AFF1: variants seen among roughly 807,000 people sequenced by gnomAD.
The protein encoded by AFF1 is AF4/FMR2 family member 1.
AFF1 carries 48 observed loss-of-function variants against 121.7 expected under a neutral mutation model. That is an observed-to-expected ratio of 0.39 (90% confidence interval 0.31 to 0.50). The LOEUF is 0.50. Ranked by LOEUF, AFF1 falls within the 20% of genes least tolerant of loss-of-function variation. AFF1 has a pLI of 0.76. For missense variants in AFF1, 1,523 were observed against 1,511.7 expected (o/e 1.01, Z -0.12); for synonymous variants, 613 against 563.0 (o/e 1.09, Z -1.26).
chr4:87,138,324 C>CA lies in AFF1; in HGVS notation c.*2627dup, dbSNP rs199978398. On this transcript the variant is annotated 3_prime_UTR_variant, in exon 21 of 21. Transcript: ENST00000395146. Reference sequence around the variant, plus strand: ...ACTGCATGCTTACAATTCCCAAAGGCAAAATCTGTACTGAGGTAGATCATT... The same window carrying CA: ...ACTGCATGCTTACAATTCCCAAAGGCAAAAATCTGTACTGAGGTAGATCATT... The CA allele has an allele frequency of 0.014, 3,214 of 232,296 alleles. 40 individuals carry two copies. Among genetic ancestry groups the CA allele is most frequent in the South Asian group, 0.033 (180 of 5,514 alleles). The allele number at this position is 232,296 out of a possible 1,614,324, so 14.4% of individuals were successfully genotyped here.
intron 3 of AFF1, 133 bp downstream of exon 3, chr4:87,046,419 C>T: frequency 7.6e-7 from 1 of 1,315,496 alleles, no homozygotes. Flanking sequence ...CTAACTTATT[C>T]TAGAGATTTT....
At chr4:87,002,658 T>A (rs1255890661) in intron 2 of AFF1, among the ~76,000 whole-genome samples, 3 of 151,452 alleles carry the variant, frequency 2.0e-5, no homozygotes, top group African/African-American at 7.3e-5. Flanking sequence ...ATCCACTTAC[T>A]TCAGCCTCCC....
At chr4:86,950,211 T>A in intron 2 of AFF1, 1 of 1,198,754 alleles carries the variant, frequency 8.3e-7, no homozygotes. Context: ...AAAGTTTCGC[T>A]ATTGTTGCCC....
intron 2 of AFF1, among the ~76,000 whole-genome samples, chr4:86,950,343 T>C (rs1474330288): frequency 6.6e-6 from 1 of 152,194 alleles, no homozygotes; most frequent in Non-Finnish European, 1.5e-5. Context: ...GACACCTGGC[T>C]AATTTTTGGT....
intron 1 of AFF1, among the ~76,000 whole-genome samples, chr4:86,947,808 G>C (rs984988744): frequency 1.2e-5 from 1 of 86,564 alleles, no homozygotes; most frequent in African/African-American, 3.5e-5. Flanking sequence ...GTTTTATTTC[G>C]GTTTTTGTTT....
intron 2 of AFF1, among the ~76,000 whole-genome samples, chr4:87,013,833 C>T (rs1030712889): frequency 3.3e-5 from 5 of 151,976 alleles, no homozygotes; most frequent in Non-Finnish European, 7.4e-5. Flanking sequence ...AGATTCTGCT[C>T]CCCCTCCCCC....
chr4:87,130,136 C>G (rs1002387209), intron 16 of AFF1, among the ~76,000 whole-genome samples: 3 of 151,092 alleles, frequency 2.0e-5, no homozygotes, highest in African/African-American at 7.4e-5. Flanking sequence ...CCACACCTGG[C>G]TAATTTTTAT....
At chr4:87,059,177 C>A (rs1720470487) in intron 4 of AFF1, among the ~76,000 whole-genome samples, 1 of 152,222 alleles carries the variant, frequency 6.6e-6, no homozygotes, top group Non-Finnish European at 1.5e-5. Flanking sequence ...GATTTTCTAG[C>A]CTAAAACTCT....
chr4:86,954,410 C>T (rs1193107536), intron 2 of AFF1, among the ~76,000 whole-genome samples: 4 of 152,068 alleles, frequency 2.6e-5, no homozygotes, highest in African/African-American at 4.8e-5. Flanking sequence ...ATAAAGTAAG[C>T]TAGAGAAAAG....
In AFF1 at chr4:87,078,800, T is replaced by G. The variant is rs538418079; in HGVS notation, c.1060-5320T>G. 1.8e-3 allele frequency among the ~76,000 whole-genome samples: 281 copies of G among 152,304 alleles called. 1 individual carries two copies. The highest frequency in any genetic ancestry group is 3.4e-3 in the Middle Eastern group (1 of 294). ...ACATTTATTTTACTCTCTTAAAAAT[T>G]AAACTTTGGATAGATAACCTATTGG... On this transcript the variant is annotated intron_variant, in intron 4 of 20. Transcript: ENST00000395146.
chr4:87,005,071 A>T (rs912704797), intron 2 of AFF1, among the ~76,000 whole-genome samples: 20 of 152,180 alleles, frequency 1.3e-4, no homozygotes, highest in Non-Finnish European at 2.6e-4. Flanking sequence ...GCAGTGGCAC[A>T]ATCTCAGCTC....
chr4:86,987,773 T>G (rs1724401862), intron 2 of AFF1, among the ~76,000 whole-genome samples: 1 of 152,060 alleles, frequency 6.6e-6, no homozygotes, highest in Non-Finnish European at 1.5e-5. Flanking sequence ...GCCAACATAG[T>G]GAAACCCCAT....
intron 4 of AFF1, among the ~76,000 whole-genome samples, chr4:87,082,183 G>A (rs142372456): frequency 5.3e-5 from 8 of 152,310 alleles, no homozygotes; most frequent in Admixed American, 3.3e-4. Flanking sequence ...GCACAGTCAT[G>A]TGCTTGTTCT....
chr4:86,946,146 C>A (rs1170498318), intron 1 of AFF1, among the ~76,000 whole-genome samples: 2 of 152,088 alleles, frequency 1.3e-5, no homozygotes, highest in Non-Finnish European at 2.9e-5. Context: ...GGACCCTTTT[C>A]CACTACAGAT....
chr4:87,039,102 C>T (rs1337177961), intron 2 of AFF1, among the ~76,000 whole-genome samples: 1 of 152,160 alleles, frequency 6.6e-6, no homozygotes, highest in Non-Finnish European at 1.5e-5. Context: ...CCAGATGATA[C>T]CAGAGCCAAC....
chr4:86,954,007 G>T (rs528705478), intron 2 of AFF1, among the ~76,000 whole-genome samples: 1 of 152,034 alleles, frequency 6.6e-6, no homozygotes, highest in Non-Finnish European at 1.5e-5. Context: ...CACCGTGCCC[G>T]GCCTAGTTCA....
chr4:87,104,444 T>C (rs1416977648), intron 8 of AFF1, among the ~76,000 whole-genome samples: 2 of 152,228 alleles, frequency 1.3e-5, no homozygotes, highest in Admixed American at 1.3e-4. Context: ...TTGAGCAAGA[T>C]CTACATTTAC....
intron 2 of AFF1, among the ~76,000 whole-genome samples, chr4:87,004,567 ATGCT>A (rs1294549740): frequency 1.3e-5 from 2 of 152,220 alleles, no homozygotes; most frequent in Non-Finnish European, 2.9e-5. Flanking sequence ...GTTATCCAAA[ATGCT>A]TGGGACCAGA....
intron 2 of AFF1, among the ~76,000 whole-genome samples, chr4:86,962,306 T>G (rs1190710214): frequency 6.6e-6 from 1 of 152,104 alleles, no homozygotes; most frequent in East Asian, 1.9e-4. Context: ...CAGTTAGATC[T>G]GGGTTTGAAT....
Sources: allele counts gnomAD v4.1 joint callset (sites outside exome capture counted in the v4.1 genomes callset), GRCh38; gene constraint gnomAD v4.1.1; transcripts MANE v1.5; gene names NCBI Gene and HGNC (gene_info 2026-07-23, HGNC 2026-07-21).